The following MCTP1 variants were observed in gnomAD, a reference collection of about 807,000 sequenced individuals.
MCTP1 encodes multiple C2 and transmembrane domain-containing protein 1.
MCTP1 carries 69 observed loss-of-function variants against 120.6 expected under a neutral mutation model. The ratio of observed to expected loss-of-function variants is 0.57; its 90% CI spans 0.47 to 0.70. MCTP1 has a LOEUF of 0.70. MCTP1 is among the 30% of genes least tolerant of loss of function. The pLI, the probability that MCTP1 is intolerant of heterozygous loss-of-function variation, is 0.00. For synonymous variants in MCTP1, 529 were observed against 493.1 expected, an observed-to-expected ratio of 1.07 and a Z score of -0.96; for missense variants, 1,203 against 1,248.8, an observed-to-expected ratio of 0.96 and a Z score of 0.55.
At chr5:94,779,269 G>A in intron 18 of MCTP1, 106 bp from the exon 19 acceptor site, 2 of 896,766 alleles carry the variant, frequency 2.2e-6, no homozygotes, top group Admixed American at 1.8e-5. Flanking sequence ...TTTGAAACAG[G>A]CACACTGAGA....
At chr5:94,777,571 T>C (rs191586650) in intron 19 of MCTP1, among the ~76,000 whole-genome samples, 1 of 152,240 alleles carries the variant, frequency 6.6e-6, no homozygotes, top group Admixed American at 6.5e-5. Flanking sequence ...ATCTTTATGG[T>C]GGCTTTAATA....
At chr5:94,751,234 T>C (rs1421459403) in intron 19 of MCTP1, among the ~76,000 whole-genome samples, 2 of 151,992 alleles carry the variant, frequency 1.3e-5, no homozygotes, top group Admixed American at 1.3e-4. Flanking sequence ...AATGATGCTA[T>C]GAGTTAGGGG....
At chr5:94,831,765 A>G (rs1227753553) in intron 17 of MCTP1, among the ~76,000 whole-genome samples, 2 of 152,224 alleles carry the variant, frequency 1.3e-5, no homozygotes, top group Non-Finnish European at 2.9e-5. Flanking sequence ...AATGTTCACA[A>G]TTTTATGGGA....
At chr5:94,983,317 T>G (rs1333526021) in intron 2 of MCTP1, among the ~76,000 whole-genome samples, 1 of 152,200 alleles carries the variant, frequency 6.6e-6, no homozygotes, top group Non-Finnish European at 1.5e-5. Context: ...TGGTTGTTGT[T>G]TTAAGCTTGC....
At chr5:94,712,560 A>C (rs1213993036) in intron 20 of MCTP1, among the ~76,000 whole-genome samples, 4 of 152,024 alleles carry the variant, frequency 2.6e-5, no homozygotes, top group African/African-American at 9.7e-5. Flanking sequence ...GTCTCTCTCT[A>C]GGTCAAAATT....
chr5:94,792,093 A>C (rs1779107637), intron 18 of MCTP1: 1 of 152,590 alleles, frequency 6.6e-6, no homozygotes, highest in Admixed American at 6.5e-5. Context: ...CATAGACACC[A>C]TGCATCACAC....
At chr5:95,026,589 A>G (rs1485133547) in intron 1 of MCTP1, among the ~76,000 whole-genome samples, 3 of 152,070 alleles carry the variant, frequency 2.0e-5, no homozygotes, top group Non-Finnish European at 4.4e-5. Flanking sequence ...ATGATCTCCA[A>G]TTCCCTCCAT....
chr5:95,199,865 G>GAA (rs1166510984), intron 1 of MCTP1, among the ~76,000 whole-genome samples: 2 of 99,952 alleles, frequency 2.0e-5, no homozygotes, highest in Admixed American at 1.1e-4. Flanking sequence ...CGTCTCAAAA[G>GAA]AAAAAAAAAA....
intron 17 of MCTP1, among the ~76,000 whole-genome samples, chr5:94,845,787 G>C (rs148111323): frequency 6.6e-6 from 1 of 152,248 alleles, no homozygotes; most frequent in African/African-American, 2.4e-5. Context: ...CCTGGGGCCA[G>C]GTGACCAACC....
At chr5:94,928,822 A>G (rs1256932288) in intron 6 of MCTP1, among the ~76,000 whole-genome samples, 1 of 152,144 alleles carries the variant, frequency 6.6e-6, no homozygotes, top group Non-Finnish European at 1.5e-5. Flanking sequence ...TGGTAATACA[A>G]TTACCCGCCC....
chr5:95,210,871 T>C (rs1317788167), intron 1 of MCTP1, among the ~76,000 whole-genome samples: 1 of 152,172 alleles, frequency 6.6e-6, no homozygotes, highest in Non-Finnish European at 1.5e-5. Context: ...GCAGGCCTAG[T>C]GGTGACAAAA....
chr5:94,881,321 T>C (rs1235841941), intron 12 of MCTP1, among the ~76,000 whole-genome samples: 2 of 152,126 alleles, frequency 1.3e-5, no homozygotes, highest in African/African-American at 4.8e-5. Flanking sequence ...TCTCTTTTCT[T>C]AGGCCCTTCC....
At chr5:95,216,699 T>G (rs1024650626) in intron 1 of MCTP1, among the ~76,000 whole-genome samples, 1 of 152,206 alleles carries the variant, frequency 6.6e-6, no homozygotes, top group Non-Finnish European at 1.5e-5. Context: ...TTATAAATTC[T>G]TGTTATAAAC....
At chr5:94,743,603 C>T (rs1766104596) in intron 19 of MCTP1, among the ~76,000 whole-genome samples, 3 of 150,788 alleles carry the variant, frequency 2.0e-5, no homozygotes, top group East Asian at 3.9e-4. Flanking sequence ...CAGAACTTTC[C>T]GTCTTTCAAG....
intron 17 of MCTP1, among the ~76,000 whole-genome samples, chr5:94,847,063 A>G (rs1369227565): frequency 6.6e-6 from 1 of 152,186 alleles, no homozygotes; most frequent in Non-Finnish European, 1.5e-5. Flanking sequence ...GAATCATGCT[A>G]AAATTTGCGA....
At chr5:95,225,580 C>T (rs1030963478) in intron 1 of MCTP1, among the ~76,000 whole-genome samples, 4 of 152,122 alleles carry the variant, frequency 2.6e-5, no homozygotes, top group Admixed American at 2.6e-4. Context: ...CTTAAGATTC[C>T]AAGAATGGTC....
chr5:94,758,533 C>T (rs1349419435), intron 19 of MCTP1, among the ~76,000 whole-genome samples: 1 of 152,066 alleles, frequency 6.6e-6, no homozygotes, highest in Non-Finnish European at 1.5e-5. Context: ...GCAAAAGCAC[C>T]TGTAGGTAAC....
At chr5:94,926,188 A>C (rs535007388) in intron 6 of MCTP1, among the ~76,000 whole-genome samples, 1 of 152,226 alleles carries the variant, frequency 6.6e-6, no homozygotes, top group Non-Finnish European at 1.5e-5. Flanking sequence ...TTTTAAAATT[A>C]GTCGTAATGT....
intron 1 of MCTP1, among the ~76,000 whole-genome samples, chr5:95,098,051 A>G (rs777775025): frequency 7.9e-5 from 12 of 152,172 alleles, no homozygotes; most frequent in Non-Finnish European, 1.5e-4. Context: ...ATGATTTCTG[A>G]TCTTTCAACG....
Sources: allele counts gnomAD v4.1 joint callset (sites outside exome capture counted in the v4.1 genomes callset), GRCh38; gene constraint gnomAD v4.1.1; transcripts MANE v1.5; gene names NCBI Gene and HGNC (gene_info 2026-07-23, HGNC 2026-07-21).